Variants in PPP2R2B observed in about 807,000 individuals in gnomAD.
The protein encoded by PPP2R2B is protein phosphatase 2 regulatory subunit Bbeta.
A neutral mutation model predicts 46.0 loss-of-function variants in PPP2R2B; 5 were observed. The observed-to-expected ratio is 0.11, with a 90% CI of 0.06 to 0.23. The LOEUF (loss-of-function observed/expected upper bound fraction) is 0.23. Among genes scored for constraint, PPP2R2B ranks in the 10% least tolerant of loss-of-function variants. PPP2R2B has a pLI of 1.00. For synonymous variants in PPP2R2B, 215 were observed against 206.7 expected (o/e 1.04, Z -0.34); for missense variants, 367 against 575.0 (o/e 0.64, Z 3.70).
At chr5:146,807,325 G>A (rs527497047) in intron 2 of PPP2R2B, among the ~76,000 whole-genome samples, 3 of 152,264 alleles carry the variant, frequency 2.0e-5, no homozygotes, top group African/African-American at 7.2e-5. Flanking sequence ...GTATGTTTTT[G>A]CTTATAGGTG....
intron 1 of PPP2R2B, among the ~76,000 whole-genome samples, chr5:146,893,022 G>A (rs1379741762): frequency 2.0e-5 from 3 of 152,136 alleles, no homozygotes; most frequent in Non-Finnish European, 2.9e-5. Context: ...CGCAGAAACA[G>A]TGGGCCATTT....
chr5:146,951,014 A>G (rs925936396), intron 1 of PPP2R2B, among the ~76,000 whole-genome samples: 18 of 152,004 alleles, frequency 1.2e-4, no homozygotes, highest in Non-Finnish European at 2.1e-4. Context: ...AAGGTCAAGC[A>G]TCTAAATTTG....
At chr5:146,807,831 C>CTTTTTTTTT (rs1554139359) in intron 2 of PPP2R2B, among the ~76,000 whole-genome samples, 7 of 73,866 alleles carry the variant, frequency 9.5e-5, no homozygotes, top group Non-Finnish European at 1.9e-4. Context: ...GACAGTTTTG[C>CTTTTTTTTT]TCTTGTTGCC....
At chr5:147,032,607 G>A (rs1244910728) in intron 1 of PPP2R2B, among the ~76,000 whole-genome samples, 4 of 152,050 alleles carry the variant, frequency 2.6e-5, no homozygotes, top group Non-Finnish European at 5.9e-5. Flanking sequence ...AAACACAGAT[G>A]TTTGGTGTTC....
chr5:146,722,958 C>T (rs986846099), intron 2 of PPP2R2B, among the ~76,000 whole-genome samples: 7 of 152,142 alleles, frequency 4.6e-5, no homozygotes, highest in Non-Finnish European at 8.8e-5. Context: ...TTGTATGTGC[C>T]TTTCTCTGCC....
Position 146,699,640 on chromosome 5 carries a change from TC to T in PPP2R2B, c.168+1404del, listed in dbSNP as rs1265018632. On this transcript the variant is annotated intron_variant, in intron 3 of 9. Coordinates refer to ENST00000394411, the MANE Select transcript of PPP2R2B (RefSeq NM_181675.4). ...AAATAGCTCCTCCGGTTCCTCTTTA[TC>T]ATCACTGCGAACTTAATTGGTTTTT... 1.3e-4 allele frequency among the ~76,000 whole-genome samples: 19 copies of T among 148,564 alleles called. No individual in the cohort carries two copies. In the East Asian group the frequency reaches 3.6e-3, roughly 28 times the overall value.
intron 1 of PPP2R2B, among the ~76,000 whole-genome samples, chr5:147,004,482 G>A (rs1032829331): frequency 2.0e-5 from 3 of 152,176 alleles, no homozygotes; most frequent in African/African-American, 7.2e-5. Flanking sequence ...CTGGATGACT[G>A]TCCTCAAGGT....
chr5:146,793,119 A>G (rs1232040317), intron 2 of PPP2R2B, among the ~76,000 whole-genome samples: 1 of 152,180 alleles, frequency 6.6e-6, no homozygotes, highest in Non-Finnish European at 1.5e-5. Flanking sequence ...TTAAAAATAG[A>G]GCCAATATGA....
At chr5:146,953,261 C>T (rs1482688748) in intron 1 of PPP2R2B, among the ~76,000 whole-genome samples, 2 of 152,166 alleles carry the variant, frequency 1.3e-5, no homozygotes, top group Non-Finnish European at 2.9e-5. Flanking sequence ...CTGTTGCATT[C>T]AAAATACATA....
chr5:146,818,324 G>A (rs1280106435), intron 2 of PPP2R2B, among the ~76,000 whole-genome samples: 3 of 150,212 alleles, frequency 2.0e-5, no homozygotes, highest in African/African-American at 4.9e-5. Flanking sequence ...AAATTGCAAA[G>A]ACATTCATCT....
chr5:146,970,456 C>A (rs149096933), intron 1 of PPP2R2B, among the ~76,000 whole-genome samples: 2 of 151,980 alleles, frequency 1.3e-5, no homozygotes, highest in Admixed American at 6.6e-5. Context: ...ATTAGCCATG[C>A]GTGGTGGCGG....
chr5:146,765,883 C>T (rs895755573), intron 2 of PPP2R2B, among the ~76,000 whole-genome samples: 4 of 152,138 alleles, frequency 2.6e-5, no homozygotes, highest in African/African-American at 4.8e-5. Context: ...CACTGGATCA[C>T]GATTTCTCAT....
chr5:146,731,928 C>G (rs1253194062), intron 2 of PPP2R2B, among the ~76,000 whole-genome samples: 1 of 152,092 alleles, frequency 6.6e-6, no homozygotes. Flanking sequence ...TTAGCTATAG[C>G]CTTTCTTTTT....
At chr5:146,877,972 A>T in intron 2 of PPP2R2B, 30 bp downstream of exon 2, 1 of 1,605,610 alleles carries the variant, frequency 6.2e-7, no homozygotes, top group Non-Finnish European at 8.5e-7. Flanking sequence ...GCCCGGCCCC[A>T]ACGGCGGAAT....
intron 6 of PPP2R2B, among the ~76,000 whole-genome samples, chr5:146,642,078 TAACA>T (rs1455785223): frequency 6.6e-6 from 1 of 152,196 alleles, no homozygotes; most frequent in Admixed American, 6.5e-5. Context: ...TTACATCTGC[TAACA>T]AAAGGGGTTA....
chr5:147,010,517 T>A (rs998948930), intron 1 of PPP2R2B, among the ~76,000 whole-genome samples: 4 of 152,142 alleles, frequency 2.6e-5, no homozygotes, highest in Admixed American at 6.6e-5. Flanking sequence ...AGGCATTAGA[T>A]CCTCATAAGG....
intron 1 of PPP2R2B, among the ~76,000 whole-genome samples, chr5:146,898,560 A>G (rs1582384118): frequency 1.3e-5 from 2 of 151,596 alleles, no homozygotes; most frequent in South Asian, 2.1e-4. Context: ...GGACATAGGC[A>G]TGGGCAAGGA....
intron 2 of PPP2R2B, among the ~76,000 whole-genome samples, chr5:146,862,682 C>T (rs319231): frequency 0.48 from 73,146 of 151,570 alleles, 19,261 homozygotes; most frequent in East Asian, 0.72. Flanking sequence ...GATGAGAGGA[C>T]AGGCAGGAAA....
At chr5:146,980,804 A>G (rs1197749170) in intron 1 of PPP2R2B, among the ~76,000 whole-genome samples, 4 of 151,790 alleles carry the variant, frequency 2.6e-5, no homozygotes, top group Non-Finnish European at 2.9e-5. Context: ...ATGTGTAGAT[A>G]CAAGATTTCA....
Sources: allele counts gnomAD v4.1 joint callset (sites outside exome capture counted in the v4.1 genomes callset), GRCh38; gene constraint gnomAD v4.1.1; transcripts MANE v1.5; gene names NCBI Gene and HGNC (gene_info 2026-07-23, HGNC 2026-07-21).